The following XIRP2 variants were observed in gnomAD, a reference collection of about 807,000 sequenced individuals.
XIRP2 encodes the protein xin actin binding repeat containing 2.
In XIRP2, 236 loss-of-function variants were observed where a neutral mutation model predicts 277.0. The observed-to-expected ratio is 0.85, with a 90% CI of 0.77 to 0.95. The LOEUF is 0.95. Among genes scored for constraint, XIRP2 ranks in the 40% least tolerant of loss-of-function variants. The pLI is 0.00. For missense variants in XIRP2, 4,640 were observed against 4,157.5 expected (o/e 1.12, Z -3.19); for synonymous variants, 1,490 against 1,416.5 (o/e 1.05, Z -1.17).
At chr2:167,097,016 A>G (rs1392778863) in intron 2 of XIRP2, among the ~76,000 whole-genome samples, 1 of 152,154 alleles carries the variant, frequency 6.6e-6, no homozygotes, top group South Asian at 2.1e-4. Flanking sequence ...AATAATGTAT[A>G]TTCTGTTGAT....
intron 2 of XIRP2, among the ~76,000 whole-genome samples, chr2:167,016,611 T>C (rs760586936): frequency 1.3e-5 from 2 of 151,928 alleles, no homozygotes; most frequent in African/African-American, 2.4e-5. Context: ...GTTCCTATGT[T>C]AGTTTAGGTC....
At chr2:166,987,748 A>T (rs1351058244) in intron 2 of XIRP2, among the ~76,000 whole-genome samples, 2 of 152,222 alleles carry the variant, frequency 1.3e-5, no homozygotes, top group Non-Finnish European at 2.9e-5. Context: ...AATCATGGAT[A>T]TATAAAGGAC....
rs118122269 is a variant in XIRP2 at position 167,111,769 on chromosome 2, G to T, written c.409-24140G>T. ...GTGCCAGCTGTTTTTTATACATCTG[G>T]TAGAATTCAGGTATAAATTCATCTG... On this transcript the variant is annotated intron_variant, in intron 2 of 10. Transcript: ENST00000409195. Among the ~76,000 whole-genome samples, 204 of 152,162 alleles carry T rather than the reference G, an allele frequency of 1.3e-3. 7 individuals are homozygous for T. In the East Asian group the frequency reaches 0.034, roughly 25 times the overall value.
At chr2:167,015,900 T>A (rs1205025557) in intron 2 of XIRP2, among the ~76,000 whole-genome samples, 1 of 151,636 alleles carries the variant, frequency 6.6e-6, no homozygotes, top group Non-Finnish European at 1.5e-5. Flanking sequence ...AGAATTTATA[T>A]TTTATATAAA....
intron 2 of XIRP2, among the ~76,000 whole-genome samples, chr2:167,042,280 C>A (rs997822868): frequency 6.6e-6 from 1 of 152,082 alleles, no homozygotes; most frequent in Non-Finnish European, 1.5e-5. Flanking sequence ...ACTTTATAAT[C>A]AAGTCTACAT....
chr2:167,097,279 A>G (rs926819029), intron 2 of XIRP2, among the ~76,000 whole-genome samples: 3 of 152,012 alleles, frequency 2.0e-5, no homozygotes, highest in Admixed American at 2.0e-4. Flanking sequence ...TGTTCCATTG[A>G]TCCCTTTACC....
intron 3 of XIRP2, among the ~76,000 whole-genome samples, chr2:167,151,844 C>A (rs1275089262): frequency 2.0e-5 from 3 of 152,012 alleles, no homozygotes; most frequent in African/African-American, 7.2e-5. Context: ...CTACTAGGGA[C>A]AAAGGAACCA....
intron 3 of XIRP2, among the ~76,000 whole-genome samples, chr2:167,203,637 G>A (rs1209762533): frequency 1.3e-5 from 2 of 152,098 alleles, no homozygotes; most frequent in Non-Finnish European, 1.5e-5. Flanking sequence ...GGTCTGTGCT[G>A]TACACTTGCT....
intron 2 of XIRP2, among the ~76,000 whole-genome samples, chr2:166,911,102 G>A (rs1684687405): frequency 6.6e-6 from 1 of 152,164 alleles, no homozygotes; most frequent in Admixed American, 6.5e-5. Flanking sequence ...GATTTGGGGT[G>A]GAGAGTTCTG....
intron 2 of XIRP2, among the ~76,000 whole-genome samples, chr2:166,919,432 T>C (rs1558916238): frequency 6.6e-6 from 1 of 152,206 alleles, no homozygotes; most frequent in Non-Finnish European, 1.5e-5. Flanking sequence ...CTCTAAGGCA[T>C]GGTAATGCAA....
chr2:167,233,673 A>G (rs921517377), intron 5 of XIRP2, among the ~76,000 whole-genome samples: 2 of 151,530 alleles, frequency 1.3e-5, no homozygotes, highest in Non-Finnish European at 3.0e-5. Context: ...CATAGGACAC[A>G]TGTTACCTCT....
chr2:167,245,686 A>G lies in XIRP2; in HGVS notation c.4294A>G (p.Lys1432Glu). 3 of 1,613,596 alleles carry G rather than the reference A, an allele frequency of 1.9e-6. No homozygotes were observed. Among genetic ancestry groups the G allele is most frequent in the Non-Finnish European group, 2.5e-6 (3 of 1,179,708 alleles). ...ATTCTTTGAGTCTGAAAATTTTGAT[A>G]AGAATAACTATATACGAACAGTAAG... is the stretch of plus-strand genomic sequence containing the variant. Reference protein sequence around the residue: ...RQFFESENFDKNNYIRTVSVN... With the variant: ...RQFFESENFDENNYIRTVSVN... Residue 1432 changes from lysine to glutamate, a missense_variant, in exon 9 of 11, where the codon AAG becomes GAG. By Grantham distance (56) the Lys-to-Glu change is moderately conservative. Transcript: ENST00000409195.
chr2:166,889,562 T>A (rs1684045868), intron 1 of XIRP2: 1 of 152,608 alleles, frequency 6.6e-6, no homozygotes, highest in Admixed American at 6.5e-5. Context: ...TTTGCTTTCC[T>A]CTCCACTTCC....
intron 2 of XIRP2, among the ~76,000 whole-genome samples, chr2:166,939,924 C>T (rs1056442446): frequency 3.9e-5 from 6 of 151,956 alleles, no homozygotes; most frequent in Non-Finnish European, 8.8e-5. Flanking sequence ...AATTATGTGT[C>T]TTGGAGTTGC....
intron 4 of XIRP2, among the ~76,000 whole-genome samples, chr2:167,215,185 C>CT (rs1416044710): frequency 6.6e-6 from 1 of 152,210 alleles, no homozygotes; most frequent in African/African-American, 2.4e-5. Flanking sequence ...CACCCTTCCC[C>CT]TTTTTCACTG....
At chr2:167,052,807 T>C (rs548686076) in intron 2 of XIRP2, among the ~76,000 whole-genome samples, 1 of 152,332 alleles carries the variant, frequency 6.6e-6, no homozygotes, top group Non-Finnish European at 1.5e-5. Flanking sequence ...GTTTCTAGTC[T>C]GACACCTAGA....
At chr2:167,085,223 G>C (rs1475166972) in intron 2 of XIRP2, among the ~76,000 whole-genome samples, 1 of 151,308 alleles carries the variant, frequency 6.6e-6, no homozygotes, top group East Asian at 1.9e-4. Flanking sequence ...TCAGGAGCAG[G>C]TTGTTCAGTT....
chr2:166,977,377 T>C (rs1686742923), intron 2 of XIRP2, among the ~76,000 whole-genome samples: 1 of 152,174 alleles, frequency 6.6e-6, no homozygotes, highest in Admixed American at 6.5e-5. Context: ...CTACTTGACA[T>C]TATCTCATAG....
intron 1 of XIRP2, among the ~76,000 whole-genome samples, chr2:166,892,888 ATATGTGTATATATGTATATT>A (rs986022099): frequency 4.0e-5 from 6 of 148,664 alleles, no homozygotes; most frequent in Admixed American, 1.4e-4. Context: ...ATATATGTAT[ATATGTGTATATATGTATATT>A]TATGTGTATA....
Sources: gnomAD v4.1 joint callset for allele counts (sites outside exome capture counted in the v4.1 genomes callset) on GRCh38, gnomAD v4.1.1 for gene constraint, MANE v1.5 for transcripts, NCBI Gene and HGNC (gene_info 2026-07-23, HGNC 2026-07-21) for gene names.